KDM4C: variants seen among roughly 807,000 people sequenced by gnomAD.
The protein encoded by KDM4C is lysine-specific demethylase 4C.
A neutral mutation model predicts 129.3 loss-of-function variants in KDM4C; 81 were observed. That is an observed-to-expected ratio of 0.63 (90% CI 0.52 to 0.75). The LOEUF (loss-of-function observed/expected upper bound fraction) is 0.75. Ranked by LOEUF, KDM4C falls within the 30% of genes least tolerant of loss-of-function variation. KDM4C has a pLI of 0.00. For synonymous variants in KDM4C, 573 were observed against 456.1 expected (o/e 1.26, Z -3.26); for missense variants, 1,457 against 1,304.0 (o/e 1.12, Z -1.81).
At chr9:6,933,305 A>G (rs552915069) in intron 8 of KDM4C, among the ~76,000 whole-genome samples, 2 of 152,310 alleles carry the variant, frequency 1.3e-5, no homozygotes, top group East Asian at 3.9e-4. Context: ...TGAAGGTGAC[A>G]TATTATGCCT....
At chr9:6,735,434 T>A (rs575409069) in intron 1 of KDM4C, among the ~76,000 whole-genome samples, 1 of 152,328 alleles carries the variant, frequency 6.6e-6, no homozygotes, top group Admixed American at 6.5e-5. Flanking sequence ...AATCTCATCT[T>A]GAATTGTAAC....
intron 5 of KDM4C, among the ~76,000 whole-genome samples, chr9:6,853,384 C>T (rs77042919): frequency 0.053 from 8,060 of 151,994 alleles, 301 homozygotes; most frequent in Non-Finnish European, 0.076. Context: ...CCCAGCTGAT[C>T]GGAAGGCTGA....
At chr9:7,041,084 C>G (rs1335499114) in intron 15 of KDM4C, among the ~76,000 whole-genome samples, 1 of 149,030 alleles carries the variant, frequency 6.7e-6, no homozygotes, top group Non-Finnish European at 1.5e-5. Context: ...TCTTTCAATT[C>G]TATACATATG....
chr9:7,118,315 C>T (rs1465550129), intron 18 of KDM4C, among the ~76,000 whole-genome samples: 1 of 152,086 alleles, frequency 6.6e-6, no homozygotes, highest in Admixed American at 6.5e-5. Flanking sequence ...ATACTTGTGA[C>T]GTTTTGATGA....
intron 8 of KDM4C, among the ~76,000 whole-genome samples, chr9:6,948,719 A>G (rs1345771703): frequency 6.6e-6 from 1 of 151,958 alleles, no homozygotes; most frequent in African/African-American, 2.4e-5. Context: ...GCATCTTTTT[A>G]ACAAAGCACA....
At chr9:6,913,888 A>C (rs967522154) in intron 8 of KDM4C, among the ~76,000 whole-genome samples, 1 of 152,212 alleles carries the variant, frequency 6.6e-6, no homozygotes, top group Non-Finnish European at 1.5e-5. Context: ...GTTAATGTAG[A>C]TGGAAGGGAT....
chr9:6,765,568 A>G (rs916621955), intron 1 of KDM4C, among the ~76,000 whole-genome samples: 2 of 152,172 alleles, frequency 1.3e-5, no homozygotes, highest in Admixed American at 6.6e-5. Context: ...TCTATTCTAT[A>G]TAGCACACTG....
At chr9:7,079,599 G>C (rs1834302113) in intron 17 of KDM4C, among the ~76,000 whole-genome samples, 1 of 152,188 alleles carries the variant, frequency 6.6e-6, no homozygotes, top group South Asian at 2.1e-4. Context: ...TGGGATTAGA[G>C]GCGTGAGCCA....
At chr9:6,827,243 T>G (rs1834040915) in intron 4 of KDM4C, among the ~76,000 whole-genome samples, 1 of 152,206 alleles carries the variant, frequency 6.6e-6, no homozygotes. Flanking sequence ...TTTCTCAGAG[T>G]CTTCATCTAC....
intron 3 of KDM4C, among the ~76,000 whole-genome samples, chr9:6,807,245 C>G (rs974948735): frequency 6.6e-6 from 1 of 152,196 alleles, no homozygotes; most frequent in Non-Finnish European, 1.5e-5. Flanking sequence ...CTATAACCTC[C>G]CAGCCGCCTG....
Position 7,009,503 on chromosome 9 carries a change from TCAAAGGTGTTATTAAGAGAAACTG to T in KDM4C, c.1787-2193_1787-2170del, listed in dbSNP as rs559636831. Among the ~76,000 whole-genome samples, 11 of 152,272 alleles carry T rather than the reference TCAAAGGTGTTATTAAGAGAAACTG, an allele frequency of 7.2e-5. No homozygotes were observed. The South Asian group carries it at 2.3e-3, about 32-fold the overall frequency. The stretch of plus-strand genomic sequence containing the variant: ...TAAAATTGATGCTTTTTTCCCCCCA[TCAAAGGTGTTATTAAGAGAAACTG>T]CCTTTTTGTTACCTCTGTAAGTATG... On this transcript the variant is annotated intron_variant, in intron 12 of 21. Transcript: ENST00000381309.
At chr9:6,761,313 G>A (rs1407669716) in intron 1 of KDM4C, among the ~76,000 whole-genome samples, 1 of 151,866 alleles carries the variant, frequency 6.6e-6, no homozygotes, top group African/African-American at 2.4e-5. Flanking sequence ...CCGGCCTCTG[G>A]ATGTCAGTAT....
chr9:7,128,045 T>G (rs1021751239), intron 18 of KDM4C, 21 bp from the exon 19 acceptor site: 8 of 1,456,854 alleles, frequency 5.5e-6, no homozygotes, highest in Non-Finnish European at 7.3e-6. Context: ...TTTTCTTCCT[T>G]TTTTGTGTCC....
At chr9:6,829,692 T>G (rs1350860634) in intron 4 of KDM4C, among the ~76,000 whole-genome samples, 2 of 152,182 alleles carry the variant, frequency 1.3e-5, no homozygotes, top group African/African-American at 4.8e-5. Context: ...TTGAACACTG[T>G]GTATACTCTG....
chr9:6,879,748 T>C (rs970475369), intron 5 of KDM4C, among the ~76,000 whole-genome samples: 10 of 152,200 alleles, frequency 6.6e-5, no homozygotes, highest in African/African-American at 2.4e-4. Flanking sequence ...TTTACCTGCC[T>C]TGGGCCTTTG....
Position 7,128,123 on chromosome 9 carries a change from C to G in KDM4C, c.2668C>G (p.Arg890Gly), listed in dbSNP as rs1245703983. 1 of 1,612,208 alleles carries G rather than the reference C, an allele frequency of 6.2e-7. No homozygotes were observed. Among genetic ancestry groups the G allele is most frequent in the Non-Finnish European group, 8.5e-7 (1 of 1,179,282 alleles). Reference protein sequence around the residue: ...SVGQTVITKHRNTRYYSCRVM... With the variant: ...SVGQTVITKHGNTRYYSCRVM... The stretch of plus-strand genomic sequence containing the variant: ...GGGTCAAACGGTCATCACGAAGCAT[C>G]GGAACACCCGGTATTACAGTTGCAG... The change falls in exon 19 of 22, where the codon CGG becomes GGG. Residue 890 changes from arginine (R) to glycine (G), a missense_variant. Arg to Gly is a moderately radical substitution (Grantham distance 125). Transcript: ENST00000381309.
At chr9:6,801,779 A>G (rs947742882) in intron 2 of KDM4C, among the ~76,000 whole-genome samples, 4 of 152,144 alleles carry the variant, frequency 2.6e-5, no homozygotes, top group African/African-American at 9.7e-5. Context: ...TAGTAAAATG[A>G]TAAAGAGACT....
intron 1 of KDM4C, among the ~76,000 whole-genome samples, chr9:6,788,882 G>A (rs1191578425): frequency 6.6e-6 from 1 of 152,160 alleles, no homozygotes; most frequent in Non-Finnish European, 1.5e-5. Flanking sequence ...GAGGAAGCAG[G>A]CAGAGGCTGC....
chr9:6,891,411 A>G (rs1051438132), intron 7 of KDM4C, among the ~76,000 whole-genome samples: 1 of 152,260 alleles, frequency 6.6e-6, no homozygotes, highest in Non-Finnish European at 1.5e-5. Flanking sequence ...CAGTAACAAA[A>G]GATCATACTT....
Sources: allele counts gnomAD v4.1 joint callset (sites outside exome capture counted in the v4.1 genomes callset), GRCh38; gene constraint gnomAD v4.1.1; transcripts MANE v1.5; gene names NCBI Gene and HGNC (gene_info 2026-07-23, HGNC 2026-07-21).